The following PLCG2 variants were observed in gnomAD, a reference collection of about 807,000 sequenced individuals.
PLCG2 encodes phospholipase C gamma 2, also known as 1-phosphatidylinositol 4,5-bisphosphate phosphodiesterase gamma-2.
A neutral mutation model predicts 175.6 loss-of-function variants in PLCG2; 69 were observed. The observed-to-expected ratio is 0.39, with a 90% CI of 0.32 to 0.48. PLCG2 has a LOEUF of 0.48. PLCG2 is among the 20% of genes least tolerant of loss of function. PLCG2 has a pLI of 0.91. For missense variants in PLCG2, 1,798 were observed against 1,650.9 expected, an observed-to-expected ratio of 1.09 and a Z score of -1.54; for synonymous variants, 827 against 624.0, an observed-to-expected ratio of 1.33 and a Z score of -4.85.
chr16:81,855,652 C>G (rs12926118), intron 3 of PLCG2, among the ~76,000 whole-genome samples: 40,011 of 151,816 alleles, frequency 0.26, 5,646 homozygotes, highest in Non-Finnish European at 0.32. Flanking sequence ...GATGTGTGTA[C>G]TGGGATAAGA....
At chr16:81,826,298 T>C (rs555747668) in intron 2 of PLCG2, among the ~76,000 whole-genome samples, 1 of 152,282 alleles carries the variant, frequency 6.6e-6, no homozygotes, top group East Asian at 1.9e-4. Context: ...TCCAGGATCC[T>C]AGGCTCAGAG....
At chr16:81,838,778 A>AATATATATATATAT (rs10549962) in intron 2 of PLCG2, among the ~76,000 whole-genome samples, 33 of 141,678 alleles carry the variant, frequency 2.3e-4, no homozygotes, top group African/African-American at 6.0e-4. Flanking sequence ...AGTAAAATTA[A>AATATATATATATAT]ATATATATAT....
intron 12 of PLCG2, 47 bp downstream of exon 12, chr16:81,893,841 G>T: frequency 8.3e-7 from 1 of 1,203,908 alleles, no homozygotes. Flanking sequence ...GCAAATTGAG[G>T]ATAACCATGT....
At chr16:81,939,366 A>T (rs545329310) in intron 29 of PLCG2, among the ~76,000 whole-genome samples, 1 of 152,268 alleles carries the variant, frequency 6.6e-6, no homozygotes, top group East Asian at 1.9e-4. Flanking sequence ...CCAGGAGGGA[A>T]CCGTGATTGG....
chr16:81,800,758 C>T (rs1296482699), intron 2 of PLCG2, among the ~76,000 whole-genome samples: 1 of 152,076 alleles, frequency 6.6e-6, no homozygotes, highest in East Asian at 1.9e-4. Flanking sequence ...TTGTCTTAAT[C>T]CCTGGAGCCT....
intron 1 of PLCG2, chr16:81,739,570 G>C (rs1027709025): frequency 1.3e-5 from 2 of 152,394 alleles, no homozygotes; most frequent in African/African-American, 4.8e-5. Flanking sequence ...CTCCAGGGAA[G>C]GGCTGGGACC....
At chr16:81,824,036 T>G (rs151258909) in intron 2 of PLCG2, among the ~76,000 whole-genome samples, 57 of 63,206 alleles carry the variant, frequency 9.0e-4, no homozygotes, top group African/African-American at 4.0e-3. Context: ...TTCCTTTCCT[T>G]TCCTTTCCTT....
At chr16:81,855,694 ATGT>A (rs899658583) in intron 3 of PLCG2, among the ~76,000 whole-genome samples, 1 of 152,192 alleles carries the variant, frequency 6.6e-6, no homozygotes, top group Non-Finnish European at 1.5e-5. Flanking sequence ...TGTGCTGTGA[ATGT>A]TTAATTCCAG....
intron 2 of PLCG2, among the ~76,000 whole-genome samples, chr16:81,853,222 T>G (rs538627901): frequency 1.3e-5 from 2 of 152,020 alleles, no homozygotes; most frequent in East Asian, 3.9e-4. Context: ...TCCCAGCTAC[T>G]CCTGAGGCTC....
rs1401906238 is a variant in PLCG2 at position 81,956,851 on chromosome 16, C to T, written c.3727C>T (p.Gln1243Ter). 2.5e-6 allele frequency: 4 copies of T among 1,613,882 alleles called. No individual in the cohort carries two copies. Among genetic ancestry groups the T allele is most frequent in the Middle Eastern group, 1.7e-4 (1 of 6,058 alleles). ...KEFSVNENQL[Q>*]LYQEKCNKRL... ...GTTCAGTGTTAATGAGAACCAGCTC[C>T]AGCTGTACCAGGAGAAATGCAACAA... Residue 1243 changes from glutamine to a stop codon, truncating the protein, a stop_gained, in exon 32 of 33, where the codon CAG (glutamine) becomes TAG (stop). Transcript: ENST00000564138. LOFTEE classifies it high-confidence loss of function.
intron 18 of PLCG2, among the ~76,000 whole-genome samples, chr16:81,910,932 T>G (rs1468019254): frequency 1.3e-5 from 2 of 152,220 alleles, no homozygotes; most frequent in Non-Finnish European, 2.9e-5. Flanking sequence ...TCCCCTTTTC[T>G]CTTTTCCCTT....
At chr16:81,833,370 G>C (rs183905857) in intron 2 of PLCG2, among the ~76,000 whole-genome samples, 1 of 151,720 alleles carries the variant, frequency 6.6e-6, no homozygotes, top group African/African-American at 2.4e-5. Context: ...CTGTGGCTCC[G>C]GTCGGTACAC....
chr16:81,852,383 G>T (rs1161734520), intron 2 of PLCG2, among the ~76,000 whole-genome samples: 1 of 152,032 alleles, frequency 6.6e-6, no homozygotes, highest in Admixed American at 6.5e-5. Flanking sequence ...AGGTGGTGGG[G>T]GTGAATCAGC....
At chr16:81,840,332 G>T (rs934392060) in intron 2 of PLCG2, among the ~76,000 whole-genome samples, 1 of 152,172 alleles carries the variant, frequency 6.6e-6, no homozygotes, top group African/African-American at 2.4e-5. Context: ...ACCAGGGGCC[G>T]GTTTTGTGGA....
At chr16:81,859,311 G>C (rs1906842903) in intron 5 of PLCG2, 148 bp downstream of exon 5, 2 of 585,424 alleles carry the variant, frequency 3.4e-6, no homozygotes, top group Non-Finnish European at 6.2e-6. Flanking sequence ...TTGGGTCCTG[G>C]GGTTGAGGAT....
In PLCG2 at chr16:81,960,185, T is replaced by G. The variant is rs1369542819; in HGVS notation, c.*2187T>G. 9.1e-6 allele frequency: 2 copies of G among 220,600 alleles called. No homozygotes were observed. The highest frequency in any genetic ancestry group is 1.8e-5 in the Non-Finnish European group (2 of 110,178). The allele number at this position is 220,600 out of a possible 1,614,324, so 13.7% of individuals were successfully genotyped here. A position where few individuals can be genotyped will look rare whatever the true frequency, so the allele number is the denominator to read the frequency against. The stretch of plus-strand genomic sequence containing the variant: ...TTCTTTCCTCCTGTCCTTGACAGAG[T>G]AACACGTTAATCTGGTTCTTGGTGG... On this transcript the variant is annotated 3_prime_UTR_variant, in exon 33 of 33. Coordinates refer to ENST00000564138, the MANE Select transcript of PLCG2 (RefSeq NM_002661.5).
At chr16:81,790,794 G>A (rs1001369461) in intron 2 of PLCG2, among the ~76,000 whole-genome samples, 21 of 152,116 alleles carry the variant, frequency 1.4e-4, no homozygotes, top group African/African-American at 4.8e-4. Context: ...CAGGGTAGGG[G>A]GCATTTGGCA....
At chr16:81,874,922 ACTATT>A (rs1317585084) in intron 7 of PLCG2, among the ~76,000 whole-genome samples, 6 of 144,000 alleles carry the variant, frequency 4.2e-5, no homozygotes, top group Non-Finnish European at 6.0e-5. Flanking sequence ...TCTCAGGTGG[ACTATT>A]TGCTAGGCAC....
At chr16:81,817,419 A>G (rs1413724352) in intron 2 of PLCG2, among the ~76,000 whole-genome samples, 4 of 152,230 alleles carry the variant, frequency 2.6e-5, no homozygotes, top group Admixed American at 6.5e-5. Context: ...ATTTTTGAGA[A>G]GGAGTTTCGC....
Sources: gnomAD v4.1 joint callset for allele counts (sites outside exome capture counted in the v4.1 genomes callset) on GRCh38, gnomAD v4.1.1 for gene constraint, MANE v1.5 for transcripts, NCBI Gene and HGNC (gene_info 2026-07-23, HGNC 2026-07-21) for gene names.